RSRC1: variants seen among roughly 807,000 people sequenced by gnomAD.
The protein encoded by RSRC1 is arginine and serine rich coiled-coil 1.
A neutral mutation model predicts 49.1 loss-of-function variants in RSRC1; 39 were observed. The ratio of observed to expected loss-of-function variants is 0.79; its 90% CI spans 0.61 to 1.04. The LOEUF is 1.04. Among genes scored for constraint, RSRC1 ranks in the 50% least tolerant of loss-of-function variants. RSRC1 has a pLI of 0.00. For synonymous variants in RSRC1, 143 were observed against 130.8 expected, an observed-to-expected ratio of 1.09 and a Z score of -0.63; for missense variants, 388 against 402.4, an observed-to-expected ratio of 0.96 and a Z score of 0.31.
intron 4 of RSRC1, among the ~76,000 whole-genome samples, chr3:158,212,806 G>T (rs1721757753): frequency 6.6e-6 from 1 of 151,934 alleles, no homozygotes; most frequent in Non-Finnish European, 1.5e-5. Context: ...TAAATGCTAA[G>T]CTGTTGCTTA....
At chr3:158,176,767 A>C (rs561056214) in intron 3 of RSRC1, among the ~76,000 whole-genome samples, 1 of 152,212 alleles carries the variant, frequency 6.6e-6, no homozygotes, top group Non-Finnish European at 1.5e-5. Context: ...CACCAAACGC[A>C]ATGGCAACAA....
chr3:158,214,970 G>A (rs902338995), intron 4 of RSRC1, among the ~76,000 whole-genome samples: 6 of 151,768 alleles, frequency 4.0e-5, no homozygotes, highest in African/African-American at 1.5e-4. Context: ...CCATCTACTA[G>A]TTGTTGATTA....
At chr3:158,516,524 T>C (rs1740546388) in intron 7 of RSRC1, among the ~76,000 whole-genome samples, 1 of 152,186 alleles carries the variant, frequency 6.6e-6, no homozygotes, top group South Asian at 2.1e-4. Context: ...GACATTTAAG[T>C]CTGCAGAGGT....
chr3:158,519,322 C>G (rs1051197560), intron 7 of RSRC1, among the ~76,000 whole-genome samples: 6 of 151,840 alleles, frequency 4.0e-5, no homozygotes, highest in Admixed American at 1.3e-4. Context: ...TTAGAGTGAC[C>G]AGCGGTTTCT....
At chr3:158,163,355 A>G (rs1718352238) in intron 3 of RSRC1, among the ~76,000 whole-genome samples, 2 of 152,064 alleles carry the variant, frequency 1.3e-5, no homozygotes, top group African/African-American at 4.8e-5. Flanking sequence ...TTGTGGTGAG[A>G]ATTTAATGAT....
intron 4 of RSRC1, among the ~76,000 whole-genome samples, chr3:158,228,196 A>G (rs954179809): frequency 6.6e-6 from 1 of 152,052 alleles, no homozygotes; most frequent in Non-Finnish European, 1.5e-5. Context: ...TAAAATCTCC[A>G]TAGGGAACTT....
intron 6 of RSRC1, among the ~76,000 whole-genome samples, chr3:158,387,178 C>A (rs1176858452): frequency 6.6e-6 from 1 of 152,026 alleles, no homozygotes; most frequent in Admixed American, 6.5e-5. Context: ...TAAGGATTAT[C>A]TTTGATAAAC....
intron 3 of RSRC1, among the ~76,000 whole-genome samples, chr3:158,139,089 A>C (rs1308648499): frequency 1.3e-5 from 2 of 152,174 alleles, no homozygotes; most frequent in Non-Finnish European, 1.5e-5. Context: ...AGTACTTACT[A>C]TAATTTTTTG....
chr3:158,527,102 C>G (rs530842082), intron 7 of RSRC1, among the ~76,000 whole-genome samples: 2 of 68,556 alleles, frequency 2.9e-5, no homozygotes, highest in South Asian at 9.4e-4. Flanking sequence ...TTTTTTTTTA[C>G]TGGTAGAAGA....
At chr3:158,290,475 T>C (rs555605657) in intron 4 of RSRC1, among the ~76,000 whole-genome samples, 5 of 152,172 alleles carry the variant, frequency 3.3e-5, no homozygotes, top group South Asian at 2.1e-4. Context: ...TGGGGTTTCA[T>C]CGTGTTAGCC....
chr3:158,303,704 T>G (rs1196597880), intron 5 of RSRC1: 2 of 152,230 alleles, frequency 1.3e-5, no homozygotes, highest in African/African-American at 4.8e-5. Flanking sequence ...ATTGTATTCA[T>G]TGAGTATTAT....
At chr3:158,155,483 C>G (rs956611161) in intron 3 of RSRC1, among the ~76,000 whole-genome samples, 21 of 151,906 alleles carry the variant, frequency 1.4e-4, no homozygotes, top group Admixed American at 6.6e-5. Flanking sequence ...CACCCAGGCT[C>G]TAGGGCAGTG....
chr3:158,434,132 G>A (rs1735918280), intron 6 of RSRC1, among the ~76,000 whole-genome samples: 1 of 151,750 alleles, frequency 6.6e-6, no homozygotes, highest in African/African-American at 2.4e-5. Flanking sequence ...CCGATTCCGA[G>A]GCCATTCCCT....
chr3:158,273,981 T>G (rs1331882897), intron 4 of RSRC1, among the ~76,000 whole-genome samples: 1 of 152,158 alleles, frequency 6.6e-6, no homozygotes. Context: ...TGTTAAAAAT[T>G]TTATCATAAA....
chr3:158,477,001 G>A (rs115601486), intron 7 of RSRC1, among the ~76,000 whole-genome samples: 2,315 of 152,274 alleles, frequency 0.015, 78 homozygotes, highest in African/African-American at 0.053. Context: ...AGGGGCTCAA[G>A]ACTTCAGTGG....
At chr3:158,146,597 TG>T (rs924975824) in intron 3 of RSRC1, among the ~76,000 whole-genome samples, 4 of 152,138 alleles carry the variant, frequency 2.6e-5, no homozygotes, top group African/African-American at 4.8e-5. Flanking sequence ...TCTCTTTTTT[TG>T]TTGTGTCTCT....
intron 3 of RSRC1, 143 bp from the exon 4 acceptor site, chr3:158,202,929 T>C (rs1721141821): frequency 1.8e-6 from 1 of 541,092 alleles, no homozygotes; most frequent in African/African-American, 1.9e-5. Flanking sequence ...AGAATCATAT[T>C]CAGGTGCTTG....
intron 4 of RSRC1, among the ~76,000 whole-genome samples, chr3:158,286,728 TAAAC>T (rs1048451502): frequency 4.5e-4 from 69 of 152,374 alleles, no homozygotes; most frequent in African/African-American, 1.6e-3. Flanking sequence ...GAACAGAAGT[TAAAC>T]AGAACAACAA....
rs551532736 is a variant in RSRC1, at chr3:158,479,047, A to G, written c.652+18044A>G. Among the ~76,000 whole-genome samples, 129 of 149,968 alleles carry G rather than the reference A, an allele frequency of 8.6e-4. 1 individual carries two copies. Among genetic ancestry groups the G allele is most frequent in the African/African-American group, 3.1e-3 (126 of 41,136 alleles). ...TTTATTGTTGTGGATTAATTTTTGT[A>G]TGTGTATTTTTGGAATTTACCAGTG... On this transcript the variant is annotated intron_variant, in intron 7 of 9. Transcript: ENST00000611884.
Sources: allele counts gnomAD v4.1 joint callset (sites outside exome capture counted in the v4.1 genomes callset), GRCh38; gene constraint gnomAD v4.1.1; transcripts MANE v1.5; gene names NCBI Gene and HGNC (gene_info 2026-07-23, HGNC 2026-07-21).